The following ITGB5 variants were observed in gnomAD, a reference collection of about 807,000 sequenced individuals.
The protein encoded by ITGB5 is integrin beta-5.
In ITGB5, 38 loss-of-function variants were observed where a neutral mutation model predicts 84.8. The observed-to-expected ratio is 0.45, with a 90% CI of 0.35 to 0.59. The LOEUF (loss-of-function observed/expected upper bound fraction) is 0.59, where lower values mean the gene tolerates loss of function less well. ITGB5 is among the 20% of genes least tolerant of loss of function. The pLI, the probability that ITGB5 is intolerant of heterozygous loss-of-function variation, is 0.01. For missense variants in ITGB5, 905 were observed against 1,034.5 expected (o/e 0.87, Z 1.72); for synonymous variants, 393 against 414.4 (o/e 0.95, Z 0.63).
rs901760306 is a variant in ITGB5, at chr3:124,894,248, T to C, written c.-255+7018A>G. Among the ~76,000 whole-genome samples the C allele has an allele frequency of 1.2e-4, 18 of 148,254 alleles. No homozygotes were observed. The East Asian group carries it at 3.8e-3, about 31-fold the overall frequency. ...CCCAGGTTCATGCCATTCTCCTACC[T>C]CAGCCTCCCACAGTAGCTGGGACTA... On this transcript the variant is annotated intron_variant, in intron 1 of 4. Transcript: ENST00000608657.
rs141579479 is a variant in ITGB5, at chr3:124,867,142, C to T, written c.156+6304G>A. 2.2e-3 allele frequency among the ~76,000 whole-genome samples: 338 copies of T among 152,270 alleles called. 2 individuals carry two copies. The highest frequency in any genetic ancestry group is 7.9e-3 in the African/African-American group (328 of 41,544). ...CATCCACTTCCCCAGGCAAAGACCGCTCACCCCAGCCCAGACTTCACTAGT... is the reference window on the plus strand; with the variant it reads ...CATCCACTTCCCCAGGCAAAGACCGTTCACCCCAGCCCAGACTTCACTAGT... On this transcript the variant is annotated intron_variant, in intron 2 of 14. Transcript: ENST00000296181.
At chr3:124,831,044 A>G (rs2064852746) in intron 5 of ITGB5, among the ~76,000 whole-genome samples, 2 of 152,100 alleles carry the variant, frequency 1.3e-5, no homozygotes, top group Admixed American at 6.5e-5. Context: ...TTGGACTCCA[A>G]CCTGCTTTCC....
At chr3:124,828,940 T>C (rs1250016382) in intron 5 of ITGB5, among the ~76,000 whole-genome samples, 1 of 152,336 alleles carries the variant, frequency 6.6e-6, no homozygotes, top group African/African-American at 2.4e-5. Flanking sequence ...TCCTTGTTTA[T>C]AAGAGGGAGG....
chr3:124,889,615 G>T (rs746657328), upstream of ITGB5, among the ~76,000 whole-genome samples: 56 of 152,170 alleles, frequency 3.7e-4, no homozygotes, highest in Non-Finnish European at 6.6e-4. Context: ...TAAAACGCTT[G>T]TCCCTAAACA....
In ITGB5 at chr3:124,796,682, C is replaced by T. The variant is rs1191824751; in HGVS notation, c.1399G>A (p.Val467Met). Residue 467 changes from valine to methionine, a missense_variant, in exon 10 of 15, where the codon GTG (valine) becomes ATG (methionine). Val to Met is a conservative substitution (Grantham distance 21). Around this residue, in one of 3 missense-constraint regions of ITGB5, gnomAD observed 656 missense variants for 734.7 expected, o/e 0.89. Coordinates refer to ENST00000296181, the MANE Select transcript of ITGB5 (RefSeq NM_002213.5). Reference sequence around the variant, plus strand: ...CTGGCGCTGTTGGGTTCCAGCCCCACGCTGCAGCCGCACGTGCAGTTGTAG... The same window carrying T: ...CTGGCGCTGTTGGGTTCCAGCCCCATGCTGCAGCCGCACGTGCAGTTGTAG... Reference protein sequence around the residue: ...VTYNCTCGCSVGLEPNSARCN... With the variant: ...VTYNCTCGCSMGLEPNSARCN... 7.4e-6 allele frequency: 12 copies of T among 1,613,930 alleles called. No individual in the cohort carries two copies. Among genetic ancestry groups the T allele is most frequent in the Admixed American group, 3.3e-5 (2 of 59,998 alleles).
At chr3:124,807,923 CAGAGCG>C (rs1309872660) in intron 9 of ITGB5, among the ~76,000 whole-genome samples, 1 of 113,208 alleles carries the variant, frequency 8.8e-6, no homozygotes, top group Admixed American at 1.3e-4. Flanking sequence ...GCCTGGGCGA[CAGAGCG>C]AGACTTCATC....
chr3:124,793,927 G>C (rs4678160), intron 10 of ITGB5, among the ~76,000 whole-genome samples: 52,361 of 152,130 alleles, frequency 0.34, 10,999 homozygotes, highest in African/African-American at 0.58. Context: ...TCACGCTTGT[G>C]TCACGGCAAG....
chr3:124,877,059 C>T (rs890648705), intron 1 of ITGB5, among the ~76,000 whole-genome samples: 1 of 151,870 alleles, frequency 6.6e-6, no homozygotes, highest in Non-Finnish European at 1.5e-5. Flanking sequence ...TAGCCTCAAA[C>T]TCCTAGCCTC....
At chr3:124,774,007 A>G in intron 10 of ITGB5, 95 bp from the exon 11 acceptor site, 2 of 1,139,484 alleles carry the variant, frequency 1.8e-6, no homozygotes, top group Non-Finnish European at 1.3e-6. Context: ...GGGATTCAGC[A>G]GAGAATGGAA....
At chr3:124,783,795 C>T (rs1440656042) in intron 10 of ITGB5, among the ~76,000 whole-genome samples, 1 of 152,220 alleles carries the variant, frequency 6.6e-6, no homozygotes, top group African/African-American at 2.4e-5. Context: ...GAAATCGCAG[C>T]CTTGCATCTC....
At chr3:124,892,503 A>G (rs1257885645), upstream of ITGB5, among the ~76,000 whole-genome samples, 1 of 148,648 alleles carries the variant, frequency 6.7e-6, no homozygotes, top group Non-Finnish European at 1.5e-5. Context: ...CAGCCTGGGC[A>G]ACATGGTGAA....
rs117505378 is a variant in ITGB5 at position 124,861,305 on chromosome 3, C to G, written c.157-1859G>C. Among the ~76,000 whole-genome samples, 29 of 151,816 alleles carry G rather than the reference C, an allele frequency of 1.9e-4. No homozygotes were observed. In the East Asian group the frequency reaches 5.4e-3, roughly 28 times the overall value. ...GGCTCCATAAACACTTGTTGTGCAACAAGGTTAGAAAAATGAGTTTTCTAG... is the reference window on the plus strand; with the variant it reads ...GGCTCCATAAACACTTGTTGTGCAAGAAGGTTAGAAAAATGAGTTTTCTAG... On this transcript the variant is annotated intron_variant, in intron 2 of 14. Coordinates refer to ENST00000296181, the MANE Select transcript of ITGB5 (RefSeq NM_002213.5).
chr3:124,769,041 A>C lies in ITGB5; in HGVS notation c.1989T>G (p.Asp663Glu). ...DNQTCHSLCR[D>E]EVITWVDTIV... ...TGGTGTCCACCCATGTGATCACCTC[A>C]TCCCTGCATAGGCTGTGGCAGGTCT... The change falls in exon 12 of 15, where the codon GAT becomes GAG. Residue 663 changes from aspartate to glutamate, a missense_variant. Physicochemically the swap from Asp to Glu is conservative, Grantham distance 45. Around this residue, in one of 3 missense-constraint regions of ITGB5, gnomAD observed 116 missense variants for 177.0 expected, o/e 0.66. Transcript: ENST00000296181. The C allele has an allele frequency of 1.9e-6, 3 of 1,613,870 alleles. No homozygotes were observed. The highest frequency in any genetic ancestry group is 2.5e-6 in the Non-Finnish European group (3 of 1,179,980).
At chr3:124,873,890 A>G (rs1314568287) in intron 1 of ITGB5, among the ~76,000 whole-genome samples, 1 of 152,118 alleles carries the variant, frequency 6.6e-6, no homozygotes. Context: ...AAGAAAAGAA[A>G]AAAGAATACA....
chr3:124,821,099 T>C (rs2064694729), intron 6 of ITGB5, among the ~76,000 whole-genome samples: 1 of 152,136 alleles, frequency 6.6e-6, no homozygotes, highest in African/African-American at 2.4e-5. Context: ...ATGAACCAGC[T>C]ACAGAAATCC....
chr3:124,894,134 C>CCTTTTTTTTT (rs1249468658), intron 1 of ITGB5, among the ~76,000 whole-genome samples: 4 of 104,354 alleles, frequency 3.8e-5, no homozygotes, highest in Admixed American at 3.6e-4. Flanking sequence ...TGATATTTTT[C>CCTTTTTTTTT]TTTTTTTTTT....
chr3:124,777,500 T>C (rs1283169953), intron 10 of ITGB5, among the ~76,000 whole-genome samples: 1 of 152,236 alleles, frequency 6.6e-6, no homozygotes, highest in Non-Finnish European at 1.5e-5. Context: ...GTGACTCTGA[T>C]AATAGTCCCA....
chr3:124,766,188 C>G, intron 13 of ITGB5, 38 bp downstream of exon 13: 1 of 1,600,072 alleles, frequency 6.2e-7, no homozygotes, highest in Non-Finnish European at 8.5e-7. Context: ...GAACTGAGGG[C>G]TGGCTGAGTG....
At chr3:124,886,783 T>G (rs1934833394) in intron 1 of ITGB5, 148 bp downstream of exon 1, 3 of 337,738 alleles carry the variant, frequency 8.9e-6, no homozygotes, top group Non-Finnish European at 1.5e-5. Flanking sequence ...CCCGCGGGGC[T>G]GTCCCCCAGC....
Sources: allele counts gnomAD v4.1 joint callset (sites outside exome capture counted in the v4.1 genomes callset), GRCh38; gene constraint gnomAD v4.1.1; regional missense constraint gnomAD v4.1.1; transcripts MANE v1.5; gene names NCBI Gene and HGNC (gene_info 2026-07-23, HGNC 2026-07-21).